Variants in COX10 observed in about 807,000 individuals in gnomAD.
COX10 encodes the protein protoheme IX farnesyltransferase, mitochondrial.
In COX10, 27 loss-of-function variants were observed where a neutral mutation model predicts 37.3. That is an observed-to-expected ratio of 0.72 (90% confidence interval 0.53 to 1.00). The LOEUF is 1.00. Ranked by LOEUF, COX10 falls within the 50% of genes least tolerant of loss-of-function variation. The pLI, the probability that COX10 is intolerant of heterozygous loss-of-function variation, is 0.00. For missense variants in COX10, 475 were observed against 563.2 expected (o/e 0.84, Z 1.59); for synonymous variants, 222 against 229.1 (o/e 0.97, Z 0.28).
intron 5 of COX10, among the ~76,000 whole-genome samples, chr17:14,179,980 G>T (rs566646728): frequency 1.3e-5 from 2 of 152,190 alleles, no homozygotes; most frequent in African/African-American, 2.4e-5. Flanking sequence ...TGAATGGATT[G>T]TTTAGTTGGC....
intron 5 of COX10, among the ~76,000 whole-genome samples, chr17:14,168,040 T>A (rs1221196325): frequency 6.6e-6 from 1 of 152,224 alleles, no homozygotes; most frequent in African/African-American, 2.4e-5. Context: ...CCCTTTCACC[T>A]ATGAGCCTAT....
At chr17:14,182,538 A>G (rs1905900224) in intron 5 of COX10, among the ~76,000 whole-genome samples, 1 of 152,114 alleles carries the variant, frequency 6.6e-6, no homozygotes, top group South Asian at 2.1e-4. Context: ...AGAAATAGAA[A>G]ACTCCTAAAT....
chr17:14,116,635 C>T (rs1381004439), intron 4 of COX10, among the ~76,000 whole-genome samples: 2 of 139,736 alleles, frequency 1.4e-5, no homozygotes, highest in Non-Finnish European at 3.1e-5. Context: ...GGAAATTATG[C>T]TGATTGTGTG....
intron 4 of COX10, among the ~76,000 whole-genome samples, chr17:14,152,349 A>C (rs1904929633): frequency 6.6e-6 from 1 of 152,192 alleles, no homozygotes; most frequent in African/African-American, 2.4e-5. Flanking sequence ...AACCAAGTGA[A>C]ACAGGTTTCT....
intron 4 of COX10, among the ~76,000 whole-genome samples, chr17:14,120,664 G>C (rs572815360): frequency 6.6e-6 from 1 of 152,160 alleles, no homozygotes; most frequent in South Asian, 2.1e-4. Flanking sequence ...CATGCAAATG[G>C]GATAAAAATG....
At chr17:14,186,108 C>T (rs1353122430) in intron 5 of COX10, among the ~76,000 whole-genome samples, 1 of 152,236 alleles carries the variant, frequency 6.6e-6, no homozygotes, top group East Asian at 1.9e-4. Flanking sequence ...AAATGCCTAA[C>T]TTGAGCCTCT....
At chr17:14,201,822 G>T (rs995638338) in intron 6 of COX10, among the ~76,000 whole-genome samples, 4 of 152,202 alleles carry the variant, frequency 2.6e-5, no homozygotes, top group Admixed American at 6.5e-5. Context: ...CTGGGGCTGG[G>T]CTTCTCTGTA....
At chr17:14,113,678 T>C (rs946229845) in intron 4 of COX10, among the ~76,000 whole-genome samples, 1 of 152,152 alleles carries the variant, frequency 6.6e-6, no homozygotes, top group African/African-American at 2.4e-5. Flanking sequence ...TTTTAAATTT[T>C]AAAAGAGGAG....
At chr17:14,102,297 T>C (rs1915802025) in intron 4 of COX10, 55 bp downstream of exon 4, 3 of 1,606,716 alleles carry the variant, frequency 1.9e-6, no homozygotes, top group Non-Finnish European at 2.5e-6. Context: ...CCTAGATGGC[T>C]GTATTGTCAT....
chr17:14,116,339 G>T (rs1567594717), intron 4 of COX10, among the ~76,000 whole-genome samples: 1 of 152,022 alleles, frequency 6.6e-6, no homozygotes, highest in East Asian at 1.9e-4. Context: ...GTATTTCAAA[G>T]ATACATTTTC....
chr17:14,123,063 G>A (rs1482306977), intron 4 of COX10, among the ~76,000 whole-genome samples: 2 of 152,126 alleles, frequency 1.3e-5, no homozygotes, highest in Non-Finnish European at 2.9e-5. Context: ...CATTTTTAGA[G>A]CACTTTACAG....
At chr17:14,080,219 CTTTTTTTTT>C (rs71147840) in intron 3 of COX10, among the ~76,000 whole-genome samples, 8 of 102,708 alleles carry the variant, frequency 7.8e-5, no homozygotes, top group Non-Finnish European at 1.6e-4. Flanking sequence ...ATTAGACTTT[CTTTTTTTTT>C]TTTTTTTTTT....
intron 3 of COX10, among the ~76,000 whole-genome samples, chr17:14,086,094 T>A (rs894992563): frequency 1.8e-4 from 27 of 152,200 alleles, no homozygotes; most frequent in African/African-American, 6.3e-4. Flanking sequence ...TCTCATTATA[T>A]ATATCTGTCA....
intron 3 of COX10, chr17:14,077,280 C>T: frequency 1.9e-6 from 1 of 534,168 alleles, no homozygotes; most frequent in African/African-American, 1.9e-5. Context: ...TAAAAATAGT[C>T]ACCCTTTCCT....
At chr17:14,124,226 T>G (rs1481621925) in intron 4 of COX10, among the ~76,000 whole-genome samples, 1 of 152,172 alleles carries the variant, frequency 6.6e-6, no homozygotes, top group Non-Finnish European at 1.5e-5. Context: ...TAGAAAGAAT[T>G]GCTTCATCTC....
At chr17:14,118,266 C>G (rs889219238) in intron 4 of COX10, among the ~76,000 whole-genome samples, 2 of 152,032 alleles carry the variant, frequency 1.3e-5, no homozygotes, top group Admixed American at 6.6e-5. Flanking sequence ...AGAGCCCTCA[C>G]CAAGGACCCT....
At chr17:14,095,810 C>T (rs1399780321) in intron 3 of COX10, among the ~76,000 whole-genome samples, 2 of 152,118 alleles carry the variant, frequency 1.3e-5, no homozygotes, top group African/African-American at 4.8e-5. Flanking sequence ...GCATGGCTTG[C>T]TCTTAGCTCC....
intron 2 of COX10, among the ~76,000 whole-genome samples, chr17:14,075,510 GAGAA>G (rs1316054048): frequency 6.6e-6 from 1 of 152,178 alleles, no homozygotes; most frequent in Non-Finnish European, 1.5e-5. Context: ...GTTAAAGAGA[GAGAA>G]AGAGAGGAGA....
At chr17:14,193,653 T>A (rs988339547) in intron 6 of COX10, among the ~76,000 whole-genome samples, 4 of 145,948 alleles carry the variant, frequency 2.7e-5, no homozygotes, top group African/African-American at 5.0e-5. Context: ...CTGGGCTAGA[T>A]GACATCTGCG....
Sources: gnomAD v4.1 joint callset for allele counts (sites outside exome capture counted in the v4.1 genomes callset) on GRCh38, gnomAD v4.1.1 for gene constraint, MANE v1.5 for transcripts, NCBI Gene and HGNC (gene_info 2026-07-23, HGNC 2026-07-21) for gene names.